The following INPP4A variants were observed in gnomAD, a reference collection of about 807,000 sequenced individuals.
INPP4A encodes inositol polyphosphate-4-phosphatase type I A.
Under a neutral mutation model 119.8 loss-of-function variants are expected in INPP4A, and 33 were observed. That is an observed-to-expected ratio of 0.28 (90% confidence interval 0.21 to 0.37). The LOEUF (loss-of-function observed/expected upper bound fraction) is 0.37, where lower values mean the gene tolerates loss of function less well. INPP4A is among the 10% of genes least tolerant of loss of function. The pLI is 1.00. For missense variants in INPP4A, 956 were observed against 1,289.9 expected, an observed-to-expected ratio of 0.74 and a Z score of 3.97; for synonymous variants, 496 against 500.7, an observed-to-expected ratio of 0.99 and a Z score of 0.12.
rs1452449954 is a variant in INPP4A at position 98,476,221 on chromosome 2, T to G, written c.-166+31136T>G. Reference sequence around the variant, plus strand: ...TTGTTCCTGGAATTTTAATTTCTCTTATTTGGTGCTAGGTGATTCCCAGTT... The same window carrying G: ...TTGTTCCTGGAATTTTAATTTCTCTGATTTGGTGCTAGGTGATTCCCAGTT... On this transcript the variant is annotated intron_variant, in intron 1 of 24. Coordinates refer to ENST00000409851, the MANE Select transcript of INPP4A (RefSeq NM_001134225.2). Among the ~76,000 whole-genome samples, 5 of 152,240 alleles carry G rather than the reference T, an allele frequency of 3.3e-5. No individual in the cohort carries two copies. In the East Asian group the frequency reaches 9.6e-4, roughly 29 times the overall value.
At chr2:98,541,831 C>G (rs1691525373) in intron 10 of INPP4A, among the ~76,000 whole-genome samples, 1 of 152,248 alleles carries the variant, frequency 6.6e-6, no homozygotes, top group Non-Finnish European at 1.5e-5. Flanking sequence ...GTGATCCTCC[C>G]ACCTTGGCCT....
chr2:98,554,552 T>C lies in INPP4A; in HGVS notation c.1566+63T>C. The C allele has an allele frequency of 6.9e-7, 1 of 1,440,218 alleles. No homozygotes were observed. The highest frequency in any genetic ancestry group is 9.5e-7 in the Non-Finnish European group (1 of 1,047,866). 89.2% of individuals were successfully genotyped at this position (1,440,218 alleles called of 1,614,324 possible). Reference sequence around the variant, plus strand: ...CTTGGGCTGAAAACCACAAAACCTGTTGCCAGTCTCTGCCCCTCTGAAGTG... The same window carrying C: ...CTTGGGCTGAAAACCACAAAACCTGCTGCCAGTCTCTGCCCCTCTGAAGTG... On this transcript the variant is annotated intron_variant, in intron 15 of 24. Coordinates refer to ENST00000409851, the MANE Select transcript of INPP4A (RefSeq NM_001134225.2). The surrounding 1 kb of genome is among the most constrained non-coding windows in gnomAD (Gnocchi z 4.7).
chr2:98,504,531 G>C (rs1450390284), intron 1 of INPP4A, among the ~76,000 whole-genome samples: 1 of 152,152 alleles, frequency 6.6e-6, no homozygotes, highest in Non-Finnish European at 1.5e-5. Flanking sequence ...TGTAACGTTG[G>C]TGCTGCCACT....
At chr2:98,542,590 C>T (rs545575905) in intron 10 of INPP4A, among the ~76,000 whole-genome samples, 1 of 152,234 alleles carries the variant, frequency 6.6e-6, no homozygotes, top group African/African-American at 2.4e-5. Context: ...GATTAGCTAC[C>T]GATTTTCTAT....
chr2:98,541,897 A>G (rs1301214301), intron 10 of INPP4A, among the ~76,000 whole-genome samples: 1 of 152,192 alleles, frequency 6.6e-6, no homozygotes, highest in East Asian at 1.9e-4. Context: ...GAGTTCATTC[A>G]TTTAACAAGT....
At chr2:98,493,812 A>G (rs987622739) in intron 1 of INPP4A, among the ~76,000 whole-genome samples, 1 of 152,224 alleles carries the variant, frequency 6.6e-6, no homozygotes, top group Admixed American at 6.5e-5. Context: ...GCAGGAAGGA[A>G]CTTTGAGTAT....
At chr2:98,463,438 A>C (rs757948227) in intron 1 of INPP4A, among the ~76,000 whole-genome samples, 9 of 152,230 alleles carry the variant, frequency 5.9e-5, no homozygotes, top group Non-Finnish European at 2.9e-5. Flanking sequence ...GGTGCTCTAC[A>C]TCTCAGAGGG....
intron 24 of INPP4A, chr2:98,581,768 A>C: frequency 6.2e-7 from 1 of 1,606,194 alleles, no homozygotes; most frequent in Non-Finnish European, 8.5e-7. Context: ...TATCATTATG[A>C]AAAATTAATA....
chr2:98,481,837 G>A (rs568959167), intron 1 of INPP4A, among the ~76,000 whole-genome samples: 2 of 152,184 alleles, frequency 1.3e-5, no homozygotes, highest in East Asian at 3.8e-4. Context: ...CCCTGTCCAC[G>A]CACCACCTCT....
intron 5 of INPP4A, among the ~76,000 whole-genome samples, chr2:98,534,514 A>G (rs1408138607): frequency 1.3e-5 from 2 of 152,204 alleles, no homozygotes; most frequent in African/African-American, 2.4e-5. Context: ...CAAGCTCCCA[A>G]GTGATGCCCA....
intron 1 of INPP4A, among the ~76,000 whole-genome samples, chr2:98,502,135 A>G (rs1421141226): frequency 6.6e-6 from 1 of 152,168 alleles, no homozygotes; most frequent in Non-Finnish European, 1.5e-5. Context: ...GGGCCAGATG[A>G]TAGTCCTGAG....
chr2:98,467,801 T>A (rs1320748299), intron 1 of INPP4A, among the ~76,000 whole-genome samples: 1 of 152,192 alleles, frequency 6.6e-6, no homozygotes, highest in Non-Finnish European at 1.5e-5. Flanking sequence ...AGTTATCTAT[T>A]AGTTATAGAT....
At chr2:98,572,993 A>G in intron 23 of INPP4A, 66 bp downstream of exon 23, 3 of 1,189,966 alleles carry the variant, frequency 2.5e-6, no homozygotes, top group Non-Finnish European at 2.4e-6. Context: ...TGACAGAAAC[A>G]TTACAAAGTA....
At chr2:98,471,658 A>G (rs1676035969) in intron 1 of INPP4A, among the ~76,000 whole-genome samples, 1 of 151,834 alleles carries the variant, frequency 6.6e-6, no homozygotes, top group South Asian at 2.1e-4. Context: ...AAGTGCTTAG[A>G]CTGGCTGTCT....
intron 1 of INPP4A, among the ~76,000 whole-genome samples, chr2:98,470,442 C>G (rs1015847198): frequency 1.3e-5 from 2 of 152,224 alleles, no homozygotes; most frequent in African/African-American, 2.4e-5. Flanking sequence ...TGTCCCTTCC[C>G]TCCGCAGGGA....
intron 1 of INPP4A, among the ~76,000 whole-genome samples, chr2:98,492,528 C>G (rs1231676009): frequency 1.3e-5 from 2 of 152,208 alleles, no homozygotes; most frequent in East Asian, 1.9e-4. Context: ...CTGTCTTACT[C>G]ATAGAATCGA....
intron 13 of INPP4A, among the ~76,000 whole-genome samples, chr2:98,551,650 A>G (rs1395373406): frequency 6.6e-6 from 1 of 152,166 alleles, no homozygotes; most frequent in Admixed American, 6.5e-5. Flanking sequence ...GAAGTGATGG[A>G]GGATGTGGTG....
chr2:98,492,529 A>G (rs767069924), intron 1 of INPP4A, among the ~76,000 whole-genome samples: 1 of 152,176 alleles, frequency 6.6e-6, no homozygotes, highest in Non-Finnish European at 1.5e-5. Context: ...TGTCTTACTC[A>G]TAGAATCGAT....
intron 7 of INPP4A, among the ~76,000 whole-genome samples, chr2:98,536,713 A>C (rs754584426): frequency 3.3e-5 from 5 of 152,150 alleles, no homozygotes; most frequent in African/African-American, 4.8e-5. Flanking sequence ...TCCCACCAAA[A>C]CCCTGACATG....
Sources: gnomAD v4.1 joint callset for allele counts (sites outside exome capture counted in the v4.1 genomes callset) on GRCh38, gnomAD v4.1.1 for gene constraint, Gnocchi (gnomAD v3.1) non-coding constraint, MANE v1.5 for transcripts, NCBI Gene and HGNC (gene_info 2026-07-23, HGNC 2026-07-21) for gene names.